NF2: variants seen among roughly 807,000 people sequenced by gnomAD.
The protein encoded by NF2 is merlin.
In NF2, 8 loss-of-function variants were observed where a neutral mutation model predicts 83.7. The observed-to-expected ratio is 0.10, with a 90% CI of 0.06 to 0.17. NF2 has a LOEUF of 0.17. Among genes scored for constraint, NF2 ranks in the 10% least tolerant of loss-of-function variants. NF2 has a pLI of 1.00. For synonymous variants in NF2, 266 were observed against 269.6 expected (o/e 0.99, Z 0.13); for missense variants, 533 against 744.4 (o/e 0.72, Z 3.31).
chr22:29,671,797 C>G (rs1002320822), intron 10 of NF2, 29 bp from the exon 11 acceptor site: 1 of 1,613,410 alleles, frequency 6.2e-7, no homozygotes, highest in African/African-American at 1.3e-5. Context: ...CCCTGTGATT[C>G]AATGACTGTT....
chr22:29,645,705 C>T (rs1276986674), intron 4 of NF2, among the ~76,000 whole-genome samples: 1 of 152,122 alleles, frequency 6.6e-6, no homozygotes, highest in South Asian at 2.1e-4. Context: ...TCAAAGGCTA[C>T]ATTTTCTTTC....
At position 29,697,512 on chromosome 22, in the gene NF2, GA is replaced by G. The variant is rs1230790290; in HGVS notation, c.*2713del. 5.5e-6 allele frequency: 1 copy of G among 181,594 alleles called. No individual in the cohort carries two copies. Among genetic ancestry groups the G allele is most frequent in the Non-Finnish European group, 1.2e-5 (1 of 85,226 alleles). 11.2% of individuals were successfully genotyped at this position (181,594 alleles called of 1,614,324 possible). A position where few individuals can be genotyped will look rare whatever the true frequency, so the allele number is the denominator to read the frequency against. ...AAGCCCCAGTAGCAGGAGAAAGAAA[GA>G]AAGAGATGCCTGGTTTTCACAGACT... On this transcript the variant is annotated 3_prime_UTR_variant, in exon 16 of 16. Transcript: ENST00000338641.
At chr22:29,606,763 G>T (rs1207449303) in intron 1 of NF2, among the ~76,000 whole-genome samples, 1 of 152,130 alleles carries the variant, frequency 6.6e-6, no homozygotes, top group African/African-American at 2.4e-5. Flanking sequence ...ATCAAACATT[G>T]ACCGCAGCAT....
At chr22:29,639,702 T>G (rs977964295) in intron 3 of NF2, among the ~76,000 whole-genome samples, 3 of 143,234 alleles carry the variant, frequency 2.1e-5, no homozygotes, top group Non-Finnish European at 4.5e-5. Flanking sequence ...GCTAACATGG[T>G]GAAACCCCGT....
rs113191972 is a variant in NF2 at position 29,687,530 on chromosome 22, G to A, written c.1737+5929G>A. Among the ~76,000 whole-genome samples, 667 of 152,328 alleles carry A rather than the reference G, an allele frequency of 4.4e-3. 6 individuals are homozygous for A. Among genetic ancestry groups the A allele is most frequent in the African/African-American group, 0.015 (630 of 41,572 alleles). ...AAGGTGTCTCCCACAATTAAAACAA[G>A]TGGCCAGAGCCTCCCTGGCGACCTC... On this transcript the variant is annotated intron_variant, in intron 15 of 15. Transcript: ENST00000338641.
chr22:29,675,144 C>T (rs772508702), intron 13 of NF2, among the ~76,000 whole-genome samples: 2 of 152,184 alleles, frequency 1.3e-5, no homozygotes, highest in African/African-American at 2.4e-5. Flanking sequence ...TTAGTTGTCT[C>T]TTTGGTTGCC....
chr22:29,632,088 G>T (rs1461112784), intron 1 of NF2, among the ~76,000 whole-genome samples: 2 of 152,180 alleles, frequency 1.3e-5, no homozygotes, highest in Non-Finnish European at 2.9e-5. Context: ...GTGTTTTTTG[G>T]TTCAGATGAG....
intron 1 of NF2, among the ~76,000 whole-genome samples, chr22:29,624,924 T>A (rs2065323442): frequency 7.0e-6 from 1 of 143,196 alleles, no homozygotes; most frequent in African/African-American, 2.8e-5. Context: ...TCTCTCTCTT[T>A]CTTTCTTTCT....
chr22:29,658,958 T>C (rs532283915), intron 7 of NF2, among the ~76,000 whole-genome samples: 3 of 152,326 alleles, frequency 2.0e-5, no homozygotes, highest in Non-Finnish European at 4.4e-5. Flanking sequence ...GGGTCCACCT[T>C]TATTTTCATA....
intron 1 of NF2, among the ~76,000 whole-genome samples, chr22:29,621,542 C>A (rs375381026): frequency 1.3e-5 from 2 of 152,164 alleles, no homozygotes; most frequent in East Asian, 1.9e-4. Context: ...TGGTGTGCAC[C>A]TGTGGTCCTA....
At chr22:29,643,716 C>T (rs924567429) in intron 4 of NF2, among the ~76,000 whole-genome samples, 12 of 152,182 alleles carry the variant, frequency 7.9e-5, no homozygotes, top group Admixed American at 3.3e-4. Context: ...GGCAACCATC[C>T]GATTTCTCAA....
At chr22:29,613,207 G>A (rs904350502) in intron 1 of NF2, among the ~76,000 whole-genome samples, 11 of 151,986 alleles carry the variant, frequency 7.2e-5, no homozygotes, top group African/African-American at 2.7e-4. Flanking sequence ...CACGCTTTGT[G>A]ATTTCAAGAC....
chr22:29,668,170 G>A (rs1028786563), intron 9 of NF2, among the ~76,000 whole-genome samples, 163 bp from the exon 10 acceptor site: 3 of 152,162 alleles, frequency 2.0e-5, no homozygotes. Flanking sequence ...CAGAGCTGAC[G>A]GCACTAGAGG....
At chr22:29,692,523 A>C (rs533216278) in intron 15 of NF2, among the ~76,000 whole-genome samples, 16 of 152,166 alleles carry the variant, frequency 1.1e-4, no homozygotes, top group Non-Finnish European at 1.6e-4. Flanking sequence ...CCTCGGGTGG[A>C]GGATCCAGGA....
intron 1 of NF2, among the ~76,000 whole-genome samples, chr22:29,632,469 G>A (rs920828850): frequency 6.6e-6 from 1 of 152,188 alleles, no homozygotes; most frequent in Non-Finnish European, 1.5e-5. Context: ...GTGTTATAGT[G>A]CTGAAAGCCC....
At position 29,657,262 on chromosome 22, in the gene NF2, G is replaced by A. The variant is rs143650572; in HGVS notation, c.600-927G>A. On this transcript the variant is annotated intron_variant, in intron 6 of 15. Coordinates refer to ENST00000338641, the MANE Select transcript of NF2 (RefSeq NM_000268.4). ...TGTGTCTCCTTTTACTCAGCATCATGTTGTCAGATTGGGGTTTGTGGCATG... is the reference window on the plus strand; with the variant it reads ...TGTGTCTCCTTTTACTCAGCATCATATTGTCAGATTGGGGTTTGTGGCATG... 7.9e-3 allele frequency among the ~76,000 whole-genome samples: 1,195 copies of A among 152,180 alleles called. 11 individuals carry two copies. The highest frequency in any genetic ancestry group is 0.014 in the Middle Eastern group (4 of 294).
intron 15 of NF2, chr22:29,683,240 G>A: frequency 1.3e-6 from 2 of 1,544,310 alleles, no homozygotes; most frequent in South Asian, 1.2e-5. Context: ...CCCACCCTGT[G>A]AAGCCAGACC....
chr22:29,675,644 G>C (rs909071303), intron 13 of NF2, among the ~76,000 whole-genome samples: 2 of 152,024 alleles, frequency 1.3e-5, no homozygotes, highest in Non-Finnish European at 2.9e-5. Context: ...ATGCTTGAAG[G>C]GGGAGCAGGA....
intron 1 of NF2, chr22:29,608,795 TTG>T (rs1322125946): frequency 4.2e-6 from 1 of 235,350 alleles, no homozygotes; most frequent in Non-Finnish European, 8.1e-6. Context: ...ACCACCAAAA[TTG>T]ACCCAAGAAG....
Sources: gnomAD v4.1 joint callset for allele counts (sites outside exome capture counted in the v4.1 genomes callset) on GRCh38, gnomAD v4.1.1 for gene constraint, MANE v1.5 for transcripts, NCBI Gene and HGNC (gene_info 2026-07-23, HGNC 2026-07-21) for gene names.